Variants in DPP9 observed in about 807,000 individuals in gnomAD.
DPP9 encodes the protein dipeptidyl peptidase IV-related protein-2.
Under a neutral mutation model 110.7 loss-of-function variants are expected in DPP9, and 50 were observed. That is an observed-to-expected ratio of 0.45 (90% CI 0.36 to 0.57). The LOEUF is 0.57. Ranked by LOEUF, DPP9 falls within the 20% of genes least tolerant of loss-of-function variation. The probability of loss-of-function intolerance (pLI) is 0.00; values close to 1 mark genes in which losing one functional copy is unlikely to be tolerated. For synonymous variants in DPP9, 561 were observed against 514.4 expected, an observed-to-expected ratio of 1.09 and a Z score of -1.23; for missense variants, 1,022 against 1,217.9, an observed-to-expected ratio of 0.84 and a Z score of 2.39.
In DPP9 at chr19:4,693,758, A is replaced by G. The variant is rs2091536279; in HGVS notation, c.1516+903T>C. The stretch of plus-strand genomic sequence containing the variant: ...CGACTTCCTATTTCTCTCGGGGTCA[A>G]AGCCCAAGTCCTCCTGGAGCCCCAG... On this transcript the variant is annotated intron_variant, in intron 13 of 21. Coordinates refer to ENST00000262960, the MANE Select transcript of DPP9 (RefSeq NM_139159.5). This position sits in a 1 kb window ranked among gnomAD's most constrained non-coding sequence, Gnocchi z 5.0. Among the ~76,000 whole-genome samples the G allele has an allele frequency of 1.3e-5, 2 of 152,012 alleles. No homozygotes were observed. Among genetic ancestry groups the G allele is most frequent in the South Asian group, 4.2e-4 (2 of 4,818 alleles).
intron 7 of DPP9, among the ~76,000 whole-genome samples, chr19:4,703,499 G>T (rs2092412593): frequency 6.6e-6 from 1 of 151,530 alleles, no homozygotes; most frequent in Non-Finnish European, 1.5e-5. Flanking sequence ...AGCCAGGCGT[G>T]GTGGCGGGCA....
intron 19 of DPP9, 63 bp downstream of exon 19, chr19:4,683,414 C>A (rs750397431): frequency 6.3e-6 from 10 of 1,599,580 alleles, no homozygotes; most frequent in Non-Finnish European, 7.7e-6. Flanking sequence ...TGGGCAAACG[C>A]GGCGTAGATG....
At chr19:4,716,809 G>T (rs1021664932) in intron 3 of DPP9, among the ~76,000 whole-genome samples, 5 of 152,118 alleles carry the variant, frequency 3.3e-5, no homozygotes, top group African/African-American at 1.2e-4. Context: ...GGGTTCAGTG[G>T]AGGCAGCCCG....
At position 4,719,837 on chromosome 19, in the gene DPP9, G is replaced by A. The variant is rs181163004; in HGVS notation, c.56+14C>T. The stretch of plus-strand genomic sequence containing the variant: ...CACATCCTCACGGATCAGGGCCTCC[G>A]AGGCCAACCTCACCTTCTCCAACTT... On this transcript the variant is annotated intron_variant, in intron 3 of 21. Transcript: ENST00000262960. 5.7e-4 allele frequency: 880 copies of A among 1,551,738 alleles called. 3 individuals are homozygous for A. In the African/African-American group the frequency reaches 9.9e-3, roughly 18 times the overall value.
At position 4,689,763 on chromosome 19, in the gene DPP9, C is replaced by T; in HGVS notation, c.1597-41G>A. On this transcript the variant is annotated intron_variant, in intron 14 of 21. Transcript: ENST00000262960. The surrounding 1 kb of genome is among the most constrained non-coding windows in gnomAD (Gnocchi z 7.0). ...GGATCCTCGTGATGCGTCCCAGATG[C>T]CCCTGGGCCCACACCCCTCTCCACG... 1 of 1,520,954 alleles carries T rather than the reference C, an allele frequency of 6.6e-7. No homozygotes were observed. Among genetic ancestry groups the T allele is most frequent in the Non-Finnish European group, 8.9e-7 (1 of 1,128,244 alleles). The allele number at this position is 1,520,954 out of a possible 1,614,324, so 94.2% of individuals were successfully genotyped here.
At chr19:4,705,502 C>T (rs1181186912) in intron 5 of DPP9, among the ~76,000 whole-genome samples, 5 of 152,354 alleles carry the variant, frequency 3.3e-5, no homozygotes, top group East Asian at 1.9e-4. Flanking sequence ...CACAAAAACA[C>T]GCCAATCAAT....
At position 4,683,579 on chromosome 19, in the gene DPP9, C is replaced by T. The variant is rs1224110858; in HGVS notation, c.2229G>A (p.Glu743=). 1 of 1,613,448 alleles carries T rather than the reference C, an allele frequency of 6.2e-7. No individual in the cohort carries two copies. Among genetic ancestry groups the T allele is most frequent in the African/African-American group, 1.3e-5 (1 of 74,916 alleles). The change falls in exon 19 of 22, where the codon GAG becomes GAA. Residue 743 remains glutamate (E), a synonymous_variant. Coordinates refer to ENST00000262960, the MANE Select transcript of DPP9 (RefSeq NM_139159.5). ...GGCTCAGGTCGATGAAGCCATACTTCTCGGCCACGAACTGCAGGCCCTCCA... is the reference window on the plus strand; with the variant it reads ...GGCTCAGGTCGATGAAGCCATACTTTTCGGCCACGAACTGCAGGCCCTCCA... ...DQVEGLQFVA[E]KYGFIDLSRV...
rs2091740310 is a variant in DPP9 at position 4,695,645 on chromosome 19, G to T, written c.1176-90C>A. 4.2e-6 allele frequency: 5 copies of T among 1,195,020 alleles called. No homozygotes were observed. The highest frequency in any genetic ancestry group is 4.5e-6 in the Non-Finnish European group (4 of 895,884). The allele number at this position is 1,195,020 out of a possible 1,614,324, so 74.0% of individuals were successfully genotyped here. On this transcript the variant is annotated intron_variant, in intron 11 of 21. Coordinates refer to ENST00000262960, the MANE Select transcript of DPP9 (RefSeq NM_139159.5). This position sits in a 1 kb window ranked among gnomAD's most constrained non-coding sequence, Gnocchi z 4.7. Reference sequence around the variant, plus strand: ...AGCTGGGGACGCAGCGTCCAAACCCGTGTGGAATCAGGGCTGGGCTTCCTG... The same window carrying T: ...AGCTGGGGACGCAGCGTCCAAACCCTTGTGGAATCAGGGCTGGGCTTCCTG...
chr19:4,720,028 T>G, intron 2 of DPP9, 87 bp from the exon 3 acceptor site: 1 of 1,167,134 alleles, frequency 8.6e-7, no homozygotes, highest in Non-Finnish European at 1.2e-6. Flanking sequence ...CCCCTCCTCA[T>G]TGCTCCAGGC....
chr19:4,706,982 C>T (rs534383721), intron 4 of DPP9, among the ~76,000 whole-genome samples: 2 of 152,274 alleles, frequency 1.3e-5, no homozygotes, highest in East Asian at 1.9e-4. Flanking sequence ...ACCCCACAGT[C>T]GTGACAACCA....
chr19:4,702,804 G>A, intron 7 of DPP9, 88 bp from the exon 8 acceptor site: 1 of 443,252 alleles, frequency 2.3e-6, no homozygotes, highest in East Asian at 6.3e-5. Flanking sequence ...GCATGAGAGA[G>A]AGGGAGAGAG....
chr19:4,682,654 A>G lies in DPP9; in HGVS notation c.2474+42T>C, dbSNP rs776615630. 56 of 1,598,538 alleles carry G rather than the reference A, an allele frequency of 3.5e-5. 1 individual carries two copies. The South Asian group carries it at 5.9e-4, about 17-fold the overall frequency. ...GAGACAGCTGGTGCCGGGGTGCAGG[A>G]GAAGCCCCGGGGAGGAGCGCAGGGC... is the stretch of plus-strand genomic sequence containing the variant. On this transcript the variant is annotated intron_variant, in intron 20 of 21. Coordinates refer to ENST00000262960, the MANE Select transcript of DPP9 (RefSeq NM_139159.5). The surrounding 1 kb of genome is among the most constrained non-coding windows in gnomAD (Gnocchi z 7.1).
intron 3 of DPP9, 34 bp from the exon 4 acceptor site, chr19:4,714,371 G>C (rs888337229): frequency 6.8e-7 from 1 of 1,462,098 alleles, no homozygotes; most frequent in Non-Finnish European, 9.0e-7. Context: ...TGAGAAAGGA[G>C]AACTGTTTTA....
rs781003759 is a variant in DPP9 at position 4,702,064 on chromosome 19, T to C, written c.975A>G (p.Glu325=). 4 of 1,613,966 alleles carry C rather than the reference T, an allele frequency of 2.5e-6. No individual in the cohort carries two copies. The highest frequency in any genetic ancestry group is 3.4e-6 in the Non-Finnish European group (4 of 1,179,856). ...EVIHVPSPAL[E]ERKTDSYRYP... is the part of the protein sequence containing the mutation. ...ACCGATACGAGTCCGTCTTCCTTTC[T>C]TCTAGCGCAGGAGAGGGGACGTGAA... The change falls in exon 9 of 22, where the codon GAA becomes GAG. Residue 325 remains glutamate (E), a synonymous_variant. Coordinates refer to ENST00000262960, the MANE Select transcript of DPP9 (RefSeq NM_139159.5).
chr19:4,711,558 A>G (rs1163305483), intron 4 of DPP9, among the ~76,000 whole-genome samples: 1 of 152,060 alleles, frequency 6.6e-6, no homozygotes, highest in Non-Finnish European at 1.5e-5. Flanking sequence ...GGATCACCTG[A>G]GGTCAGGAGT....
chr19:4,713,306 G>A (rs2092919443), intron 4 of DPP9, among the ~76,000 whole-genome samples: 1 of 152,224 alleles, frequency 6.6e-6, no homozygotes, highest in Admixed American at 6.5e-5. Flanking sequence ...AGGCCTCTGG[G>A]TGCAGTGGGC....
At chr19:4,697,431 T>G (rs994073297) in intron 11 of DPP9, 120 bp downstream of exon 11, 17 of 819,124 alleles carry the variant, frequency 2.1e-5, no homozygotes, top group Non-Finnish European at 3.3e-5. Context: ...GCGGTTGCAC[T>G]GCGGGAAGAC....
chr19:4,683,304 G>C, intron 19 of DPP9, 173 bp downstream of exon 19: 1 of 1,444,458 alleles, frequency 6.9e-7, no homozygotes, highest in Non-Finnish European at 9.1e-7. Context: ...ATGAGGAGGG[G>C]GGCTCGGCCC....
rs2090474263 is a variant in DPP9, at chr19:4,684,974, CG to C, written c.2032-166del. 1 of 862,522 alleles carries C rather than the reference CG, an allele frequency of 1.2e-6. No individual in the cohort carries two copies. Among genetic ancestry groups the C allele is most frequent in the Non-Finnish European group, 1.9e-6 (1 of 532,808 alleles). The allele number at this position is 862,522 out of a possible 1,614,324, so 53.4% of individuals were successfully genotyped here. On this transcript the variant is annotated intron_variant, in intron 17 of 21. Transcript: ENST00000262960. The surrounding 1 kb of genome is among the most constrained non-coding windows in gnomAD (Gnocchi z 4.8). ...GGATGGACACCTGGGAGTGGCAAGG[CG>C]GGAGGGGCCCATACTCGGGACCCTG...
Sources: allele counts gnomAD v4.1 joint callset (sites outside exome capture counted in the v4.1 genomes callset), GRCh38; gene constraint gnomAD v4.1.1; non-coding constraint Gnocchi (gnomAD v3.1); transcripts MANE v1.5; gene names NCBI Gene and HGNC (gene_info 2026-07-23, HGNC 2026-07-21).